Variants in ZNF473 observed in about 807,000 individuals in gnomAD.
The protein encoded by ZNF473 is zinc finger protein 473.
A neutral mutation model predicts 11.1 loss-of-function variants in ZNF473; 4 were observed. The observed-to-expected ratio is 0.36, with a 90% CI of 0.18 to 0.82. The LOEUF (loss-of-function observed/expected upper bound fraction) is 0.82, where lower values mean the gene tolerates loss of function less well. ZNF473 is among the 40% of genes least tolerant of loss of function. The pLI is 0.49. For synonymous variants in ZNF473, 404 were observed against 390.4 expected, an observed-to-expected ratio of 1.03 and a Z score of -0.41; for missense variants, 854 against 1,084.0, an observed-to-expected ratio of 0.79 and a Z score of 2.98.
At position 50,045,104 on chromosome 19, in the gene ZNF473, AGTTACC is replaced by A. The variant is rs767921573; in HGVS notation, c.664_669del (p.Tyr222_Arg223del). ...TGAATGTGGGAAAAGCTTCAGTGGG[AGTTACC>A]GTCTTACCCAGCACTGGATCACTCA... On this transcript the variant is annotated inframe_deletion, in exon 5 of 5. Transcript: ENST00000270617. The A allele has an allele frequency of 8.7e-6, 14 of 1,614,076 alleles. No individual in the cohort carries two copies. The South Asian group carries it at 1.5e-4, about 18-fold the overall frequency.
At chr19:50,032,255 T>A (rs2122807140) in intron 2 of ZNF473, among the ~76,000 whole-genome samples, 1 of 151,262 alleles carries the variant, frequency 6.6e-6, no homozygotes, top group Admixed American at 6.6e-5. Context: ...CTCTTTGATC[T>A]GGCTCCTGCT....
Position 50,031,077 on chromosome 19 carries a change from T to C in ZNF473, c.-6T>C. On this transcript the variant is annotated 5_prime_UTR_variant, in exon 2 of 5. Transcript: ENST00000270617. The stretch of plus-strand genomic sequence containing the variant: ...CTTAAAAGAGGCTACTGAACCCCAG[T>C]TGGCCATGGCTGAGGTGAGTTGAAG... 1 of 1,567,290 alleles carries C rather than the reference T, an allele frequency of 6.4e-7. No individual in the cohort carries two copies. Among genetic ancestry groups the C allele is most frequent in the Non-Finnish European group, 8.7e-7 (1 of 1,155,412 alleles).
intron 1 of ZNF473, among the ~76,000 whole-genome samples, chr19:50,027,601 C>A (rs1403635868): frequency 6.6e-6 from 1 of 152,150 alleles, no homozygotes; most frequent in African/African-American, 2.4e-5. Flanking sequence ...TCAAGCTCAG[C>A]TGTCTGTGAG....
rs940877812 is a variant in ZNF473 at position 50,046,809 on chromosome 19, G to C, written c.2366G>C (p.Gly789Ala). 1 of 1,614,012 alleles carries C rather than the reference G, an allele frequency of 6.2e-7. No homozygotes were observed. Among genetic ancestry groups the C allele is most frequent in the African/African-American group, 1.3e-5 (1 of 74,998 alleles). ...VHTGEKPYRC[G>A]ECGKAFAQKA... ...ACTGGGGAGAAGCCCTACAGATGTG[G>C]TGAATGTGGGAAAGCCTTTGCCCAG... The change falls in exon 5 of 5, where the codon GGT becomes GCT. Residue 789 changes from glycine to alanine, a missense_variant. This residue lies in a region of ZNF473 where 186 missense variants were observed against 293.8 expected (regional missense o/e 0.63). Coordinates refer to ENST00000270617, the MANE Select transcript of ZNF473 (RefSeq NM_015428.4). The surrounding 1 kb of genome is among the most constrained non-coding windows in gnomAD (Gnocchi z 5.9).
Position 50,035,265 on chromosome 19 carries a change from C to G in ZNF473, c.10-3896C>G, listed in dbSNP as rs540204411. On this transcript the variant is annotated intron_variant, in intron 2 of 4. Transcript: ENST00000270617. ...CTGTGATAGCACCACTGCACTCCAG[C>G]CTGGGTGACAGTGAGACCCTATCTC... is the stretch of plus-strand genomic sequence containing the variant. 1.9e-4 allele frequency among the ~76,000 whole-genome samples: 29 copies of G among 152,152 alleles called. No homozygotes were observed. The South Asian group carries it at 5.0e-3, about 26-fold the overall frequency.
At chr19:50,032,834 A>AC (rs1385863628) in intron 2 of ZNF473, among the ~76,000 whole-genome samples, 1 of 152,130 alleles carries the variant, frequency 6.6e-6, no homozygotes, top group Non-Finnish European at 1.5e-5. Context: ...CTCGGCCTGG[A>AC]GAGGCATCAC....
Position 50,045,898 on chromosome 19 carries a change from G to C in ZNF473, c.1455G>C (p.Lys485Asn), listed in dbSNP as rs1166806036. 2 of 1,614,126 alleles carry C rather than the reference G, an allele frequency of 1.2e-6. No homozygotes were observed. The highest frequency in any genetic ancestry group is 3.3e-5 in the Admixed American group (2 of 60,014). ...ATCAGGCCATTCACACCGCAGAAAAGCCCTATAGCTGTGCTGAATGCAAGG... is the reference window on the plus strand; with the variant it reads ...ATCAGGCCATTCACACCGCAGAAAACCCCTATAGCTGTGCTGAATGCAAGG... ...MRHQAIHTAE[K>N]PYSCAECKET... Residue 485 changes from lysine to asparagine, a missense_variant, in exon 5 of 5, where the codon AAG becomes AAC. Coordinates refer to ENST00000270617, the MANE Select transcript of ZNF473 (RefSeq NM_015428.4).
intron 2 of ZNF473, among the ~76,000 whole-genome samples, chr19:50,034,792 T>C (rs796165851): frequency 5.9e-5 from 9 of 152,346 alleles, no homozygotes; most frequent in African/African-American, 2.2e-4. Context: ...TCCATCCTTG[T>C]GGTGCAGTTG....
chr19:50,043,551 G>A (rs919037232), intron 4 of ZNF473: 6 of 151,246 alleles, frequency 4.0e-5, no homozygotes, highest in African/African-American at 1.5e-4. Flanking sequence ...CTTACAGGAG[G>A]TTGTCGAGTG....
intron 2 of ZNF473, among the ~76,000 whole-genome samples, chr19:50,032,032 C>T (rs542238995): frequency 7.9e-5 from 12 of 151,888 alleles, no homozygotes; most frequent in African/African-American, 2.9e-4. Context: ...GGAAACAGGT[C>T]TGACACACGT....
Position 50,047,000 on chromosome 19 carries a change from TGCCACTCGA to T in ZNF473, c.2561_2569del (p.His854_Ser856del). The T allele has an allele frequency of 6.2e-7, 1 of 1,613,980 alleles. No homozygotes were observed. Among genetic ancestry groups the T allele is most frequent in the Non-Finnish European group, 8.5e-7 (1 of 1,180,004 alleles). ...TCAACGTTGCCAGAAAGCCTTTCGG[TGCCACTCGA>T]GCCTCAGCCGCCATCAGCGTGTACA... On this transcript the variant is annotated inframe_deletion, in exon 5 of 5. Coordinates refer to ENST00000270617, the MANE Select transcript of ZNF473 (RefSeq NM_015428.4). The surrounding 1 kb of genome is among the most constrained non-coding windows in gnomAD (Gnocchi z 5.9).
intron 2 of ZNF473, among the ~76,000 whole-genome samples, chr19:50,035,580 G>GC: frequency 6.6e-6 from 1 of 152,020 alleles, no homozygotes; most frequent in South Asian, 2.1e-4. Context: ...GGAACTGGCT[G>GC]CCCCCTTTTT....
intron 2 of ZNF473, among the ~76,000 whole-genome samples, chr19:50,037,658 CAAA>C (rs67239809): frequency 7.2e-6 from 1 of 138,528 alleles, no homozygotes; most frequent in African/African-American, 2.7e-5. Context: ...CCTACTCTAC[CAAA>C]AAAAAAAAAA....
Position 50,046,811 on chromosome 19 carries a change from G to C in ZNF473, c.2368G>C (p.Glu790Gln). ...TGGGGAGAAGCCCTACAGATGTGGTGAATGTGGGAAAGCCTTTGCCCAGAA... is the reference window on the plus strand; with the variant it reads ...TGGGGAGAAGCCCTACAGATGTGGTCAATGTGGGAAAGCCTTTGCCCAGAA... ...HTGEKPYRCGECGKAFAQKAN... is the reference protein window; with the variant it reads ...HTGEKPYRCGQCGKAFAQKAN... Residue 790 changes from glutamate to glutamine, a missense_variant, in exon 5 of 5, where the codon GAA becomes CAA. By Grantham distance (29) the Glu-to-Gln change is conservative. Coordinates refer to ENST00000270617, the MANE Select transcript of ZNF473 (RefSeq NM_015428.4). The surrounding 1 kb of genome is among the most constrained non-coding windows in gnomAD (Gnocchi z 5.9). The C allele has an allele frequency of 6.2e-7, 1 of 1,614,100 alleles. No homozygotes were observed. The highest frequency in any genetic ancestry group is 8.5e-7 in the Non-Finnish European group (1 of 1,179,992).
chr19:50,046,478 T>A lies in ZNF473; in HGVS notation c.2035T>A (p.Cys679Ser). The A allele has an allele frequency of 6.2e-7, 1 of 1,614,210 alleles. No homozygotes were observed. Among genetic ancestry groups the A allele is most frequent in the Non-Finnish European group, 8.5e-7 (1 of 1,180,036 alleles). ...AGENPFKCSK[C>S]DRVFTQRNYL... ...AGAGAATCCCTTTAAATGTAGTAAG[T>A]GTGACAGAGTCTTCACCCAGAGAAA... Residue 679 changes from cysteine (C) to serine (S), a missense_variant, in exon 5 of 5, where the codon TGT becomes AGT. This residue lies in a region of ZNF473 where 186 missense variants were observed against 293.8 expected (regional missense o/e 0.63). Coordinates refer to ENST00000270617, the MANE Select transcript of ZNF473 (RefSeq NM_015428.4). This position sits in a 1 kb window ranked among gnomAD's most constrained non-coding sequence, Gnocchi z 5.9.
Position 50,039,394 on chromosome 19 carries a change from C to A in ZNF473, c.136+107C>A. The A allele has an allele frequency of 6.9e-7, 1 of 1,448,206 alleles. No individual in the cohort carries two copies. Among genetic ancestry groups the A allele is most frequent in the South Asian group, 1.3e-5 (1 of 78,094 alleles). 89.7% of individuals were successfully genotyped at this position (1,448,206 alleles called of 1,614,324 possible). A position where few individuals can be genotyped will look rare whatever the true frequency, so the allele number is the denominator to read the frequency against. On this transcript the variant is annotated intron_variant, in intron 3 of 4. Transcript: ENST00000270617. The surrounding 1 kb of genome is among the most constrained non-coding windows in gnomAD (Gnocchi z 4.8). ...TCCTGGCTCCTGGGCTCCTCAGAAT[C>A]AGCATGACCTAGCCCAGCAGTTCTC...
intron 2 of ZNF473, among the ~76,000 whole-genome samples, chr19:50,032,280 G>C (rs950840496): frequency 6.6e-6 from 1 of 151,044 alleles, no homozygotes; most frequent in Admixed American, 6.6e-5. Context: ...TGCTACTCTT[G>C]ACAGGATATA....
rs757636176 is a variant in ZNF473, at chr19:50,046,578, G to T, written c.2135G>T (p.Arg712Leu). 2.5e-6 allele frequency: 4 copies of T among 1,614,214 alleles called. No homozygotes were observed. The Admixed American group carries it at 6.7e-5, about 27-fold the overall frequency. The change falls in exon 5 of 5, where the codon CGT becomes CTT. Residue 712 changes from arginine to leucine, a missense_variant. Physicochemically the swap from Arg to Leu is moderately radical, Grantham distance 102 (BLOSUM62 -2). Coordinates refer to ENST00000270617, the MANE Select transcript of ZNF473 (RefSeq NM_015428.4). The surrounding 1 kb of genome is among the most constrained non-coding windows in gnomAD (Gnocchi z 5.9). ...TGTAACGAATGCGGGAAAACGTTCC[G>T]TCAGAGCTCATGCCTTTCTAAGCAT... ...LVCNECGKTFRQSSCLSKHQR... is the reference protein window; with the variant it reads ...LVCNECGKTFLQSSCLSKHQR...
rs1207368313 is a variant in ZNF473 at position 50,046,592 on chromosome 19, C to G, written c.2149C>G (p.Leu717Val). 2 of 1,614,248 alleles carry G rather than the reference C, an allele frequency of 1.2e-6. No individual in the cohort carries two copies. Among genetic ancestry groups the G allele is most frequent in the Non-Finnish European group, 8.5e-7 (1 of 1,180,048 alleles). ...GAAAACGTTCCGTCAGAGCTCATGC[C>G]TTTCTAAGCATCAGAGAATTCACTC... ...CGKTFRQSSCLSKHQRIHSGE... is the reference protein window; with the variant it reads ...CGKTFRQSSCVSKHQRIHSGE... The change falls in exon 5 of 5, where the codon CTT (leucine) becomes GTT (valine). Residue 717 changes from leucine to valine, a missense_variant. Transcript: ENST00000270617. This position sits in a 1 kb window ranked among gnomAD's most constrained non-coding sequence, Gnocchi z 5.9.
Sources: gnomAD v4.1 joint callset for allele counts (sites outside exome capture counted in the v4.1 genomes callset) on GRCh38, gnomAD v4.1.1 for gene constraint, gnomAD v4.1.1 regional missense constraint, Gnocchi (gnomAD v3.1) non-coding constraint, MANE v1.5 for transcripts, NCBI Gene and HGNC (gene_info 2026-07-23, HGNC 2026-07-21) for gene names.